The following SMPD3 variants were observed in gnomAD, a reference collection of about 807,000 sequenced individuals.
SMPD3 encodes the protein sphingomyelin phosphodiesterase 3.
Under a neutral mutation model 55.7 loss-of-function variants are expected in SMPD3, and 21 were observed. The ratio of observed to expected loss-of-function variants is 0.38; its 90% CI spans 0.27 to 0.54. The LOEUF (loss-of-function observed/expected upper bound fraction) is 0.54. Ranked by LOEUF, SMPD3 falls within the 20% of genes least tolerant of loss-of-function variation. SMPD3 has a pLI of 0.80. For synonymous variants in SMPD3, 457 were observed against 404.3 expected (o/e 1.13, Z -1.56); for missense variants, 842 against 899.6 (o/e 0.94, Z 0.82).
At chr16:68,361,347 T>C in intron 8 of SMPD3, 40 bp from the exon 9 acceptor site, 1 of 1,577,176 alleles carries the variant, frequency 6.3e-7, no homozygotes, top group Non-Finnish European at 8.6e-7. Flanking sequence ...CCTGGTCAGA[T>C]TCCAAGGGCA....
intron 1 of SMPD3, among the ~76,000 whole-genome samples, chr16:68,401,367 A>G (rs1355725750): frequency 6.6e-6 from 1 of 152,166 alleles, no homozygotes; most frequent in African/African-American, 2.4e-5. Flanking sequence ...TTTGCCACCC[A>G]GCTCAGTGGT....
At chr16:68,430,553 A>G (rs1434129991) in intron 1 of SMPD3, among the ~76,000 whole-genome samples, 1 of 152,094 alleles carries the variant, frequency 6.6e-6, no homozygotes, top group African/African-American at 2.4e-5. Flanking sequence ...CTTACCCTTC[A>G]TTCTGAGTTC....
chr16:68,381,065 A>T (rs1295541451), intron 2 of SMPD3, among the ~76,000 whole-genome samples: 1 of 152,270 alleles, frequency 6.6e-6, no homozygotes, highest in African/African-American at 2.4e-5. Flanking sequence ...AGGAAAATTT[A>T]TGCAGACCTT....
intron 1 of SMPD3, among the ~76,000 whole-genome samples, chr16:68,405,117 G>GT (rs537279412): frequency 6.6e-6 from 1 of 152,170 alleles, no homozygotes; most frequent in Non-Finnish European, 1.5e-5. Context: ...TACTAGCAGA[G>GT]TTTTTTCCCC....
chr16:68,371,269 C>A lies in SMPD3; in HGVS notation c.913G>T (p.Gly305Trp). Residue 305 changes from glycine (G) to tryptophan (W), a missense_variant, in exon 3 of 9, where the codon GGG becomes TGG. Physicochemically the swap from Gly to Trp is radical, Grantham distance 184 (BLOSUM62 -2). Transcript: ENST00000219334. ...GCACTGGTGTCTGGCCCAGCTCGCC[C>A]CTTCACCAGGGACTCCCGGGAGGCC... Reference protein sequence around the residue: ...PSASRESLVKGRAGPDTSASG... With the variant: ...PSASRESLVKWRAGPDTSASG... The A allele has an allele frequency of 6.2e-7, 1 of 1,606,416 alleles. No individual in the cohort carries two copies. The highest frequency in any genetic ancestry group is 2.2e-5 in the East Asian group (1 of 44,872).
chr16:68,387,699 T>G (rs1276002437), intron 1 of SMPD3, among the ~76,000 whole-genome samples: 1 of 152,362 alleles, frequency 6.6e-6, no homozygotes, highest in East Asian at 1.9e-4. Context: ...CTCCACCTTC[T>G]TAAGCCCGTC....
chr16:68,367,674 C>T (rs1171533488), intron 3 of SMPD3: 1 of 152,124 alleles, frequency 6.6e-6, no homozygotes, highest in Non-Finnish European at 1.5e-5. Context: ...CTCCCTCCCG[C>T]CCCGCTTCTC....
intron 1 of SMPD3, among the ~76,000 whole-genome samples, chr16:68,425,341 G>C (rs2090427477): frequency 6.6e-6 from 1 of 152,258 alleles, no homozygotes; most frequent in Non-Finnish European, 1.5e-5. Context: ...TAGACTGCTT[G>C]GGATGGGTGA....
At chr16:68,398,254 G>A (rs958193252) in intron 1 of SMPD3, among the ~76,000 whole-genome samples, 2 of 152,182 alleles carry the variant, frequency 1.3e-5, no homozygotes, top group Non-Finnish European at 2.9e-5. Context: ...GGGAAGGGAG[G>A]AAGTTCACAG....
chr16:68,417,092 A>G (rs1297259335), intron 1 of SMPD3, among the ~76,000 whole-genome samples: 1 of 152,050 alleles, frequency 6.6e-6, no homozygotes. Flanking sequence ...CCCTCAGCTG[A>G]GGCAAACTGC....
chr16:68,399,221 C>T (rs2090185932), intron 1 of SMPD3, among the ~76,000 whole-genome samples: 1 of 152,190 alleles, frequency 6.6e-6, no homozygotes, highest in Non-Finnish European at 1.5e-5. Flanking sequence ...AAAATCAGGA[C>T]TGGCTAGGCT....
intron 3 of SMPD3, chr16:68,369,558 C>T (rs2089591527): frequency 6.6e-6 from 1 of 152,228 alleles, no homozygotes; most frequent in African/African-American, 2.4e-5. Context: ...CAACACATCC[C>T]CTTCCTCCCC....
chr16:68,365,561 A>G (rs2089453171), intron 3 of SMPD3, among the ~76,000 whole-genome samples: 1 of 151,802 alleles, frequency 6.6e-6, no homozygotes, highest in African/African-American at 2.4e-5. Flanking sequence ...CTCAGAGCCC[A>G]CCCCACACAG....
Position 68,372,044 on chromosome 16 carries a change from G to A in SMPD3, c.138C>T (p.Arg46=), listed in dbSNP as rs1186989965. The change falls in exon 3 of 9, where the codon CGC becomes CGT. Residue 46 remains arginine (R), a synonymous_variant. Coordinates refer to ENST00000219334, the MANE Select transcript of SMPD3 (RefSeq NM_018667.4). ...ASFIPTTYEK[R]QRADDPCCLQ... is the part of the protein sequence containing the mutation. ...GGCAGCACGGGTCGTCTGCCCGCTGGCGCTTCTCGTAGGTGGTGGGTATGA... is the reference window on the plus strand; with the variant it reads ...GGCAGCACGGGTCGTCTGCCCGCTGACGCTTCTCGTAGGTGGTGGGTATGA... 1.9e-6 allele frequency: 3 copies of A among 1,609,410 alleles called. No homozygotes were observed. Among genetic ancestry groups the A allele is most frequent in the African/African-American group, 2.7e-5 (2 of 74,926 alleles).
chr16:68,396,500 TC>T (rs1287114007), intron 1 of SMPD3, among the ~76,000 whole-genome samples: 1 of 152,156 alleles, frequency 6.6e-6, no homozygotes, highest in Non-Finnish European at 1.5e-5. Context: ...ACCCTGGTGG[TC>T]CACCTGACAC....
chr16:68,424,195 G>T (rs890307004), intron 1 of SMPD3, among the ~76,000 whole-genome samples: 3 of 151,316 alleles, frequency 2.0e-5, no homozygotes, highest in East Asian at 2.0e-4. Context: ...CCTCTCTTTG[G>T]CCAGGAGTAC....
intron 1 of SMPD3, among the ~76,000 whole-genome samples, chr16:68,399,496 T>A (rs1159685995): frequency 1.3e-5 from 2 of 152,186 alleles, no homozygotes; most frequent in African/African-American, 4.8e-5. Context: ...CTGCCTGGAA[T>A]GGAGGGAAGT....
intron 1 of SMPD3, among the ~76,000 whole-genome samples, chr16:68,419,828 G>A (rs2090374906): frequency 6.6e-6 from 1 of 152,152 alleles, no homozygotes; most frequent in Non-Finnish European, 1.5e-5. Flanking sequence ...GTGGGGGAGA[G>A]AACAGACTTT....
chr16:68,422,466 A>C (rs2090402847), intron 1 of SMPD3, among the ~76,000 whole-genome samples: 1 of 152,210 alleles, frequency 6.6e-6, no homozygotes, highest in South Asian at 2.1e-4. Flanking sequence ...AAGAATGTGC[A>C]GGAAACAGAG....
Sources: gnomAD v4.1 joint callset for allele counts (sites outside exome capture counted in the v4.1 genomes callset) on GRCh38, gnomAD v4.1.1 for gene constraint, MANE v1.5 for transcripts, NCBI Gene and HGNC (gene_info 2026-07-23, HGNC 2026-07-21) for gene names.